PTP4A2: variants seen among roughly 807,000 people sequenced by gnomAD.
The protein encoded by PTP4A2 is protein tyrosine phosphatase type IVA 2.
Under a neutral mutation model 22.9 loss-of-function variants are expected in PTP4A2, and 2 were observed. The observed-to-expected ratio is 0.09, with a 90% CI of 0.04 to 0.27. The LOEUF is 0.27. Ranked by LOEUF, PTP4A2 falls within the 10% of genes least tolerant of loss-of-function variation. The pLI, the probability that PTP4A2 is intolerant of heterozygous loss-of-function variation, is 1.00. For missense variants in PTP4A2, 103 were observed against 205.1 expected (o/e 0.50, Z 3.04); for synonymous variants, 68 against 69.1 (o/e 0.98, Z 0.08).
chr1:31,917,070 A>G (rs1651884863), intron 2 of PTP4A2, among the ~76,000 whole-genome samples: 1 of 152,206 alleles, frequency 6.6e-6, no homozygotes, highest in Admixed American at 6.5e-5. Flanking sequence ...GTGACTACCT[A>G]TCTTCAAGGG....
At chr1:31,923,773 C>A (rs928061121) in intron 1 of PTP4A2, among the ~76,000 whole-genome samples, 2 of 152,186 alleles carry the variant, frequency 1.3e-5, no homozygotes, top group Admixed American at 6.5e-5. Context: ...AGCGATCCTC[C>A]AGCTTTGGCC....
chr1:31,913,915 CTTA>C, intron 3 of PTP4A2: 1 of 454,980 alleles, frequency 2.2e-6, no homozygotes, highest in Non-Finnish European at 4.4e-6. Context: ...TTGTATGCAG[CTTA>C]TTTTCGGAAG....
rs1037605857 is a variant in PTP4A2, at chr1:31,914,374, A to G, written c.189+1521T>C. ...GCCACCACACAGGGCCCTAAAACAC[A>G]TTTTTTTAAAACACATTTGGCTATT... On this transcript the variant is annotated intron_variant, in intron 3 of 5. Transcript: ENST00000647444. 1.2e-5 allele frequency: 5 copies of G among 407,540 alleles called. No individual in the cohort carries two copies. In the Admixed American group the frequency reaches 1.5e-4, roughly 12 times the overall value. The allele number at this position is 407,540 out of a possible 1,614,324, so 25.2% of individuals were successfully genotyped here. A position where few individuals can be genotyped will look rare whatever the true frequency, so the allele number is the denominator to read the frequency against.
Position 31,919,572 on chromosome 1 carries a change from A to G in PTP4A2, c.-507T>C, listed in dbSNP as rs1329124551. On this transcript the variant is annotated 5_prime_UTR_variant, in exon 2 of 6. Transcript: ENST00000647444. ...CATAGAACCTCCAAGCTCACTTGTCAGCGAAAATGCTGTGCTGAGCCTGGC... is the reference window on the plus strand; with the variant it reads ...CATAGAACCTCCAAGCTCACTTGTCGGCGAAAATGCTGTGCTGAGCCTGGC... 1 of 152,836 alleles carries G rather than the reference A, an allele frequency of 6.5e-6. No homozygotes were observed. Among genetic ancestry groups the G allele is most frequent in the East Asian group, 1.9e-4 (1 of 5,212 alleles). The allele number at this position is 152,836 out of a possible 1,614,324, so 9.5% of individuals were successfully genotyped here. A position where few individuals can be genotyped will look rare whatever the true frequency, so the allele number is the denominator to read the frequency against.
intron 1 of PTP4A2, among the ~76,000 whole-genome samples, chr1:31,924,934 A>G (rs550539980): frequency 2.0e-5 from 3 of 152,372 alleles, no homozygotes; most frequent in Admixed American, 6.5e-5. Context: ...GAGGTTAAAA[A>G]GAAAACATCT....
At chr1:31,911,021 TACA>T (rs2124143048) in intron 4 of PTP4A2, 1 of 152,352 alleles carries the variant, frequency 6.6e-6, no homozygotes, top group East Asian at 1.9e-4. Context: ...CAACTCACGT[TACA>T]ACATTATCTT....
intron 1 of PTP4A2, among the ~76,000 whole-genome samples, chr1:31,921,042 C>A (rs1405093289): frequency 6.6e-6 from 1 of 152,154 alleles, no homozygotes; most frequent in Non-Finnish European, 1.5e-5. Flanking sequence ...ATAAGGCACT[C>A]TCAAAAAATC....
intron 5 of PTP4A2, among the ~76,000 whole-genome samples, chr1:31,909,458 G>C (rs953666228): frequency 6.6e-6 from 1 of 152,014 alleles, no homozygotes; most frequent in Non-Finnish European, 1.5e-5. Context: ...GGCGGATCAC[G>C]AGATCAGGAG....
At position 31,922,446 on chromosome 1, in the gene PTP4A2, G is replaced by A. The variant is rs150369075; in HGVS notation, c.-593-2788C>T. Among the ~76,000 whole-genome samples, 612 of 152,272 alleles carry A rather than the reference G, an allele frequency of 4.0e-3. 4 individuals are homozygous for A. The highest frequency in any genetic ancestry group is 0.014 in the African/African-American group (593 of 41,538). On this transcript the variant is annotated intron_variant, in intron 1 of 5. Transcript: ENST00000647444. ...TGCAGGGAGCCAAGATTGTGCCACTGCACTCCAGCCTGGGCAACAAGAGAG... is the reference window on the plus strand; with the variant it reads ...TGCAGGGAGCCAAGATTGTGCCACTACACTCCAGCCTGGGCAACAAGAGAG...
intron 2 of PTP4A2, among the ~76,000 whole-genome samples, chr1:31,916,703 AAAG>A (rs1164963284): frequency 1.3e-5 from 2 of 152,240 alleles, no homozygotes; most frequent in African/African-American, 2.4e-5. Flanking sequence ...GGGAATGATT[AAAG>A]AAGTATGGCA....
rs555970914 is a variant in PTP4A2 at position 31,911,912 on chromosome 1, G to A, written c.190-86C>T. On this transcript the variant is annotated intron_variant, in intron 3 of 5. Transcript: ENST00000647444. ...CAGAATACCTGCACACAGTACACACGGCAGGCCTAACTGAACTAACTGCAC... is the reference window on the plus strand; with the variant it reads ...CAGAATACCTGCACACAGTACACACAGCAGGCCTAACTGAACTAACTGCAC... The A allele has an allele frequency of 1.2e-4, 124 of 1,011,778 alleles. 3 individuals are homozygous for A. The South Asian group carries it at 2.0e-3, about 17-fold the overall frequency. The allele number at this position is 1,011,778 out of a possible 1,614,324, so 62.7% of individuals were successfully genotyped here.
intron 1 of PTP4A2, among the ~76,000 whole-genome samples, chr1:31,929,322 C>T (rs1037905838): frequency 1.2e-4 from 19 of 152,188 alleles, no homozygotes; most frequent in Admixed American, 4.6e-4. Flanking sequence ...AAAATCCTAA[C>T]AGCACAATCC....
chr1:31,931,058 T>C (rs1483847023), intron 1 of PTP4A2: 1 of 152,196 alleles, frequency 6.6e-6, no homozygotes, highest in Non-Finnish European at 1.5e-5. Flanking sequence ...CTCCCAATTA[T>C]ACCAAAATGC....
At position 31,908,740 on chromosome 1, in the gene PTP4A2, C is replaced by A; in HGVS notation, c.*112G>T. On this transcript the variant is annotated 3_prime_UTR_variant, in exon 6 of 6. Transcript: ENST00000647444. ...TCATTAGGAGAGTGGTTGAGGAGTA[C>A]TGAATCCATCACTACTTTGATGACA... 3 of 732,162 alleles carry A rather than the reference C, an allele frequency of 4.1e-6. No individual in the cohort carries two copies. The highest frequency in any genetic ancestry group is 2.2e-5 in the Admixed American group (1 of 45,316). 45.4% of individuals were successfully genotyped at this position (732,162 alleles called of 1,614,324 possible).
chr1:31,914,953 T>C (rs1651745876), intron 3 of PTP4A2, among the ~76,000 whole-genome samples: 1 of 152,198 alleles, frequency 6.6e-6, no homozygotes, highest in Admixed American at 6.5e-5. Flanking sequence ...GGAGGATGCC[T>C]TCTACCTCTC....
chr1:31,914,437 A>T (rs907831263), intron 3 of PTP4A2: 10 of 364,176 alleles, frequency 2.7e-5, no homozygotes, highest in Middle Eastern at 7.6e-4. Context: ...TGAGGAAACT[A>T]TGGATCAGAT....
In PTP4A2 at chr1:31,911,707, T is replaced by G. The variant is rs754329906; in HGVS notation, c.309A>C (p.Ala103=). 1.3e-6 allele frequency: 2 copies of G among 1,595,588 alleles called. No individual in the cohort carries two copies. Among genetic ancestry groups the G allele is most frequent in the Non-Finnish European group, 1.7e-6 (2 of 1,173,508 alleles). ...PGCCVAVHCV[A]GLGRAPVLVA... ...AGGTAAGAGTTTACCTTCCCAATCC[T>G]GCAACACAATGCACTGCAACACAGC... The change falls in exon 4 of 6, where the codon GCA becomes GCC. Residue 103 remains alanine (A), a synonymous_variant. Coordinates refer to ENST00000647444, the MANE Select transcript of PTP4A2 (RefSeq NM_080391.4).
chr1:31,923,743 G>T (rs1378309470), intron 1 of PTP4A2, among the ~76,000 whole-genome samples: 2 of 152,112 alleles, frequency 1.3e-5, no homozygotes, highest in Admixed American at 6.5e-5. Flanking sequence ...GCCCAGGCTG[G>T]TCTAAAACTC....
chr1:31,932,175 T>G (rs1367960492), intron 1 of PTP4A2, among the ~76,000 whole-genome samples: 1 of 152,196 alleles, frequency 6.6e-6, no homozygotes, highest in Non-Finnish European at 1.5e-5. Flanking sequence ...AAATATAAAG[T>G]AATTTATCTG....
Sources: gnomAD v4.1 joint callset for allele counts (sites outside exome capture counted in the v4.1 genomes callset) on GRCh38, gnomAD v4.1.1 for gene constraint, MANE v1.5 for transcripts, NCBI Gene and HGNC (gene_info 2026-07-23, HGNC 2026-07-21) for gene names.